Variants in PRKAG2 observed in about 807,000 individuals in gnomAD.
PRKAG2 encodes the protein 5'-AMP-activated protein kinase subunit gamma-2.
A neutral mutation model predicts 69.6 loss-of-function variants in PRKAG2; 26 were observed. The ratio of observed to expected loss-of-function variants is 0.37; its 90% confidence interval spans 0.27 to 0.52. The LOEUF (loss-of-function observed/expected upper bound fraction) is 0.52. PRKAG2 is among the 20% of genes least tolerant of loss of function. PRKAG2 has a pLI of 0.90. For missense variants in PRKAG2, 557 were observed against 740.0 expected, an observed-to-expected ratio of 0.75 and a Z score of 2.87; for synonymous variants, 293 against 285.0, an observed-to-expected ratio of 1.03 and a Z score of -0.28.
At chr7:151,827,827 C>T (rs73487750) in intron 1 of PRKAG2, among the ~76,000 whole-genome samples, 135 of 150,106 alleles carry the variant, frequency 9.0e-4, no homozygotes, top group African/African-American at 3.2e-3. Context: ...AGCCTACGTG[C>T]CTCCAAGGGC....
chr7:151,731,462 G>A (rs989965056), intron 3 of PRKAG2, among the ~76,000 whole-genome samples: 2 of 152,234 alleles, frequency 1.3e-5, no homozygotes, highest in African/African-American at 4.8e-5. Context: ...CCGCAATTAC[G>A]AATGGACCTG....
intron 3 of PRKAG2, among the ~76,000 whole-genome samples, chr7:151,740,686 G>A (rs2073819355): frequency 6.6e-6 from 1 of 152,210 alleles, no homozygotes; most frequent in African/African-American, 2.4e-5. Flanking sequence ...AAAAAGCCGT[G>A]AGTATGTGAG....
intron 1 of PRKAG2, among the ~76,000 whole-genome samples, chr7:151,815,923 AGG>A (rs1338679147): frequency 1.3e-5 from 2 of 152,322 alleles, no homozygotes; most frequent in South Asian, 2.1e-4. Context: ...CAAGAAAAGG[AGG>A]CTTCTTCCAC....
chr7:151,820,756 G>A (rs962622894), intron 1 of PRKAG2, among the ~76,000 whole-genome samples: 8 of 152,228 alleles, frequency 5.3e-5, no homozygotes, highest in South Asian at 2.1e-4. Flanking sequence ...GGAGATGAGC[G>A]CCACCTTCAA....
intron 3 of PRKAG2, among the ~76,000 whole-genome samples, chr7:151,767,801 TTC>T (rs1375513117): frequency 4.6e-5 from 7 of 152,252 alleles, no homozygotes; most frequent in African/African-American, 1.7e-4. Context: ...AACCAAATGT[TTC>T]TGTCTTAGAC....
chr7:151,674,513 G>A (rs563300724), intron 4 of PRKAG2, among the ~76,000 whole-genome samples: 9 of 152,248 alleles, frequency 5.9e-5, no homozygotes, highest in African/African-American at 1.7e-4. Flanking sequence ...GGGTACCTGC[G>A]GTAATTAAAC....
At chr7:151,687,142 G>A (rs1834856341) in intron 3 of PRKAG2, among the ~76,000 whole-genome samples, 1 of 152,166 alleles carries the variant, frequency 6.6e-6, no homozygotes, top group Admixed American at 6.5e-5. Context: ...AATCTCACAG[G>A]GGCTAATTTT....
chr7:151,560,133 T>TC, intron 15 of PRKAG2: 1 of 985,374 alleles, frequency 1.0e-6, no homozygotes, highest in Non-Finnish European at 1.2e-6. Context: ...AAGTTTTTTT[T>TC]CTCTTTAAGG....
Position 151,744,049 on chromosome 7 carries a change from T to C in PRKAG2, c.466+37103A>G, listed in dbSNP as rs186109520. ...AAGGAGAGGTCAGGGGAACTGCAGA[T>C]GGGCTCGAAGATGGAGCACGGTCAC... is the stretch of plus-strand genomic sequence containing the variant. On this transcript the variant is annotated intron_variant, in intron 3 of 15. Coordinates refer to ENST00000287878, the MANE Select transcript of PRKAG2 (RefSeq NM_016203.4). 6.5e-4 allele frequency among the ~76,000 whole-genome samples: 99 copies of C among 152,262 alleles called. No individual in the cohort carries two copies. In the East Asian group the frequency reaches 0.019, roughly 29 times the overall value.
chr7:151,819,735 T>G (rs190783262), intron 1 of PRKAG2, among the ~76,000 whole-genome samples: 1,516 of 120,452 alleles, frequency 0.013, 30 homozygotes, highest in African/African-American at 0.044. Flanking sequence ...CTTGGGCTAC[T>G]GCCTGGAGCC....
intron 2 of PRKAG2, among the ~76,000 whole-genome samples, chr7:151,785,485 G>C (rs917111904): frequency 6.6e-6 from 1 of 152,220 alleles, no homozygotes; most frequent in Admixed American, 6.5e-5. Context: ...TTCAGGGCAG[G>C]GTGGGGAGGG....
intron 1 of PRKAG2, among the ~76,000 whole-genome samples, chr7:151,874,097 TATGTATATG>T (rs2080294050): frequency 6.8e-6 from 1 of 146,656 alleles, no homozygotes; most frequent in African/African-American, 2.5e-5. Flanking sequence ...ATATGATGTA[TATGTATATG>T]ATGTATATGT....
intron 1 of PRKAG2, among the ~76,000 whole-genome samples, chr7:151,831,641 A>G (rs895882504): frequency 6.6e-6 from 1 of 152,148 alleles, no homozygotes; most frequent in African/African-American, 2.4e-5. Flanking sequence ...TGTTTCACTG[A>G]TGTGGCAGGA....
At chr7:151,750,914 C>T (rs962507558) in intron 3 of PRKAG2, among the ~76,000 whole-genome samples, 2 of 151,652 alleles carry the variant, frequency 1.3e-5, no homozygotes, top group African/African-American at 4.9e-5. Flanking sequence ...TGCTAAATTA[C>T]ATATTATATG....
chr7:151,747,418 G>A (rs189341149), intron 3 of PRKAG2, among the ~76,000 whole-genome samples: 248 of 152,236 alleles, frequency 1.6e-3, no homozygotes, highest in Non-Finnish European at 2.2e-3. Flanking sequence ...TTAGCCGGGC[G>A]TGGTGGCGGG....
In PRKAG2 at chr7:151,767,289, C is replaced by T. The variant is rs929943925; in HGVS notation, c.466+13863G>A. 4.6e-5 allele frequency among the ~76,000 whole-genome samples: 7 copies of T among 152,216 alleles called. No individual in the cohort carries two copies. In the East Asian group the frequency reaches 1.4e-3, roughly 29 times the overall value. ...CCAGCCTCTTGAGATAATAAACTCC[C>T]GTTTTGTTTTATTTTGTTAAAGATG... On this transcript the variant is annotated intron_variant, in intron 3 of 15. Coordinates refer to ENST00000287878, the MANE Select transcript of PRKAG2 (RefSeq NM_016203.4).
intron 3 of PRKAG2, among the ~76,000 whole-genome samples, chr7:151,763,319 C>G (rs1251958013): frequency 1.3e-5 from 2 of 152,250 alleles, no homozygotes; most frequent in African/African-American, 4.8e-5. Context: ...CCAGCCATCC[C>G]GGCACAGAGT....
Position 151,730,658 on chromosome 7 carries a change from G to C in PRKAG2, c.466+50494C>G, listed in dbSNP as rs531479775. ...GCAGTGTGAGGACTATGAGGGGTGA[G>C]GAGGAGCAGGGGGGCTGGATGGGGG... On this transcript the variant is annotated intron_variant, in intron 3 of 15. Transcript: ENST00000287878. 2.0e-5 allele frequency among the ~76,000 whole-genome samples: 3 copies of C among 152,300 alleles called. No individual in the cohort carries two copies. The East Asian group carries it at 5.8e-4, about 29-fold the overall frequency.
intron 3 of PRKAG2, among the ~76,000 whole-genome samples, chr7:151,684,916 T>C (rs112241665): frequency 1.3e-5 from 2 of 152,124 alleles, no homozygotes; most frequent in African/African-American, 4.8e-5. Flanking sequence ...ACGTAAGAAA[T>C]TGGAAAAAGC....
Sources: gnomAD v4.1 joint callset for allele counts (sites outside exome capture counted in the v4.1 genomes callset) on GRCh38, gnomAD v4.1.1 for gene constraint, MANE v1.5 for transcripts, NCBI Gene and HGNC (gene_info 2026-07-23, HGNC 2026-07-21) for gene names.